The following FBN1 variants were observed in gnomAD, a reference collection of about 807,000 sequenced individuals.
FBN1 encodes the protein fibrillin 1.
Under a neutral mutation model 365.1 loss-of-function variants are expected in FBN1, and 29 were observed. The ratio of observed to expected loss-of-function variants is 0.08; its 90% confidence interval spans 0.06 to 0.11. The LOEUF (loss-of-function observed/expected upper bound fraction) is 0.11, where lower values mean the gene tolerates loss of function less well. FBN1 is among the 10% of genes least tolerant of loss of function. The probability of loss-of-function intolerance (pLI) is 1.00; values close to 1 mark genes in which losing one functional copy is unlikely to be tolerated. For missense variants in FBN1, 2,476 were observed against 3,703.2 expected, an observed-to-expected ratio of 0.67 and a Z score of 8.60; for synonymous variants, 1,210 against 1,270.5, an observed-to-expected ratio of 0.95 and a Z score of 1.01.
At chr15:48,417,899 T>C (rs1233505146) in intron 63 of FBN1, among the ~76,000 whole-genome samples, 1 of 152,218 alleles carries the variant, frequency 6.6e-6, no homozygotes, top group Non-Finnish European at 1.5e-5. Context: ...AGGTGGCTGA[T>C]CTATGGAGCA....
At chr15:48,636,794 G>A (rs1351449094) in intron 2 of FBN1, among the ~76,000 whole-genome samples, 2 of 152,212 alleles carry the variant, frequency 1.3e-5, no homozygotes, top group East Asian at 1.9e-4. Flanking sequence ...ACATTGTGGG[G>A]CGCAGAGACA....
rs756219617 is a variant in FBN1, at chr15:48,436,996, G to C, written c.6461C>G (p.Pro2154Arg). 3 of 1,611,280 alleles carry C rather than the reference G, an allele frequency of 1.9e-6. No homozygotes were observed. Among genetic ancestry groups the C allele is most frequent in the Non-Finnish European group, 2.5e-6 (3 of 1,177,808 alleles). Reference sequence around the variant, plus strand: ...ATTCCCTGCTAGAATATAACCAAAGGGACACTCGCAGCGATAGGAACCATC... The same window carrying C: ...ATTCCCTGCTAGAATATAACCAAAGCGACACTCGCAGCGATAGGAACCATC... ...NTDGSYRCECPFGYILAGNEC... is the reference protein window; with the variant it reads ...NTDGSYRCECRFGYILAGNEC... Residue 2154 changes from proline (P) to arginine (R), a missense_variant, in exon 53 of 66, where the codon CCC (proline) becomes CGC (arginine). Physicochemically the swap from Pro to Arg is moderately radical, Grantham distance 103. Around this residue, in one of 5 missense-constraint regions of FBN1, gnomAD observed 1,780 missense variants for 2,840.8 expected, o/e 0.63. Transcript: ENST00000316623.
chr15:48,440,102 A>G (rs1392749579), intron 50 of FBN1, among the ~76,000 whole-genome samples: 8 of 152,182 alleles, frequency 5.3e-5, no homozygotes, highest in African/African-American at 1.9e-4. Flanking sequence ...CTTATTAATC[A>G]AGGGTGTCTT....
At chr15:48,534,375 T>C (rs931923281) in intron 7 of FBN1, among the ~76,000 whole-genome samples, 170 bp from the exon 8 acceptor site, 1 of 152,256 alleles carries the variant, frequency 6.6e-6, no homozygotes, top group Non-Finnish European at 1.5e-5. Context: ...CACAATTGCA[T>C]TATGTAAAAT....
rs1353285604 is a variant in FBN1 at position 48,594,597 on chromosome 15, C to CAAAGATCAAATCTTTGAA, written c.538+1668_538+1685dup. Among the ~76,000 whole-genome samples, 4 of 152,110 alleles carry CAAAGATCAAATCTTTGAA rather than the reference C, an allele frequency of 2.6e-5. No individual in the cohort carries two copies. In the East Asian group the frequency reaches 5.8e-4, roughly 22 times the overall value. ...ATTCAGGACATTTCTTAATCTTGGA[C>CAAAGATCAAATCTTTGAA]AAAGATCAAATCTTTGAAGAAATCA... is the stretch of plus-strand genomic sequence containing the variant. On this transcript the variant is annotated intron_variant, in intron 6 of 65. Transcript: ENST00000316623.
chr15:48,568,141 C>CA (rs36008742), intron 6 of FBN1, among the ~76,000 whole-genome samples: 8,398 of 78,918 alleles, frequency 0.11, 671 homozygotes, highest in Non-Finnish European at 0.14. Flanking sequence ...AGGAATCTAC[C>CA]AAAAAAAAAA....
rs117156689 is a variant in FBN1 at position 48,531,650 on chromosome 15, G to A, written c.862+2430C>T. Among the ~76,000 whole-genome samples the A allele has an allele frequency of 1.2e-4, 19 of 152,216 alleles. No individual in the cohort carries two copies. The East Asian group carries it at 2.3e-3, about 19-fold the overall frequency. On this transcript the variant is annotated intron_variant, in intron 8 of 65. Coordinates refer to ENST00000316623, the MANE Select transcript of FBN1 (RefSeq NM_000138.5). ...TCTATTGGCCATCTAGACACCAGCCGATGCCCAGAGTTATGCCATTTCCAC... is the reference window on the plus strand; with the variant it reads ...TCTATTGGCCATCTAGACACCAGCCAATGCCCAGAGTTATGCCATTTCCAC...
chr15:48,472,030 A>G (rs573998270), intron 35 of FBN1, among the ~76,000 whole-genome samples: 1 of 152,352 alleles, frequency 6.6e-6, no homozygotes, highest in East Asian at 1.9e-4. Flanking sequence ...ATGTTCATAT[A>G]TGTTAGATAT....
intron 2 of FBN1, among the ~76,000 whole-genome samples, chr15:48,640,226 C>T (rs1597649708): frequency 6.6e-6 from 1 of 152,182 alleles, no homozygotes; most frequent in Admixed American, 6.5e-5. Flanking sequence ...TTCAATGTTA[C>T]AAAATGAGTC....
intron 37 of FBN1, among the ~76,000 whole-genome samples, 154 bp downstream of exon 37, chr15:48,468,258 C>T (rs1032750415): frequency 4.0e-5 from 6 of 151,832 alleles, no homozygotes; most frequent in African/African-American, 1.5e-4. Context: ...GAGAATTTTC[C>T]CTATGGAAAA....
chr15:48,601,957 C>A (rs1324696321), intron 4 of FBN1, among the ~76,000 whole-genome samples: 1 of 152,204 alleles, frequency 6.6e-6, no homozygotes, highest in Non-Finnish European at 1.5e-5. Flanking sequence ...GGCACATGCC[C>A]ACTATGTCCT....
At chr15:48,601,771 C>A (rs775832472) in intron 4 of FBN1, among the ~76,000 whole-genome samples, 24 of 152,312 alleles carry the variant, frequency 1.6e-4, no homozygotes, top group East Asian at 3.9e-4. Flanking sequence ...ATCTTCTATA[C>A]CCTTCCTTTT....
chr15:48,585,917 A>C (rs1249204718), intron 6 of FBN1, among the ~76,000 whole-genome samples: 1 of 152,218 alleles, frequency 6.6e-6, no homozygotes, highest in African/African-American at 2.4e-5. Context: ...ATTTTTAAGG[A>C]AACTTAAATA....
At chr15:48,466,643 T>A (rs148325272) in intron 38 of FBN1, among the ~76,000 whole-genome samples, 13 of 152,188 alleles carry the variant, frequency 8.5e-5, no homozygotes. Context: ...TGAAATTATA[T>A]GTACACATGC....
chr15:48,451,618 G>A (rs2043202330), intron 45 of FBN1, among the ~76,000 whole-genome samples: 1 of 152,106 alleles, frequency 6.6e-6, no homozygotes, highest in African/African-American at 2.4e-5. Flanking sequence ...GTTCCCCTGT[G>A]TTGTTTCATT....
intron 16 of FBN1, 105 bp downstream of exon 16, chr15:48,504,920 C>T: frequency 6.8e-7 from 1 of 1,462,706 alleles, no homozygotes; most frequent in Non-Finnish European, 9.6e-7. Context: ...TGCAAATATT[C>T]TTTATATCTT....
rs116099559 is a variant in FBN1, at chr15:48,453,709, G to A, written c.5423-1025C>T. ...TCAATTGTAACAAATGCACCACTCT[G>A]ATGGAGGATGCTGATGATGGGGGAG... On this transcript the variant is annotated intron_variant, in intron 44 of 65. Transcript: ENST00000316623. Among the ~76,000 whole-genome samples the A allele has an allele frequency of 7.0e-3, 1,064 of 152,266 alleles. 10 individuals are homozygous for A. The highest frequency in any genetic ancestry group is 0.024 in the African/African-American group (1,015 of 41,558).
intron 6 of FBN1, among the ~76,000 whole-genome samples, chr15:48,568,084 G>GAAAGAAAGAAAGAAAGA (rs1447250769): frequency 3.8e-5 from 5 of 130,656 alleles, no homozygotes; most frequent in African/African-American, 1.4e-4. Context: ...AAGAAAGAAA[G>GAAAGAAAGAAAGAAAGA]ACTATCTTTA....
chr15:48,645,481 T>A (rs750918579), intron 1 of FBN1, 94 bp downstream of exon 1: 3 of 152,566 alleles, frequency 2.0e-5, no homozygotes, highest in Admixed American at 1.3e-4. Flanking sequence ...TCCCTGTCCC[T>A]GCCCTCGGCG....
Sources: allele counts gnomAD v4.1 joint callset (sites outside exome capture counted in the v4.1 genomes callset), GRCh38; gene constraint gnomAD v4.1.1; regional missense constraint gnomAD v4.1.1; transcripts MANE v1.5; gene names NCBI Gene and HGNC (gene_info 2026-07-23, HGNC 2026-07-21).